The following C20orf203 variants were observed in gnomAD, a reference collection of about 807,000 sequenced individuals.
C20orf203 encodes the protein uncharacterized protein C20orf203.
Under a neutral mutation model 15.9 loss-of-function variants are expected in C20orf203, and 16 were observed. The observed-to-expected ratio is 1.01, with a 90% CI of 0.68 to 1.53. The LOEUF is 1.53. Among genes scored for constraint, C20orf203 ranks in the 40% most tolerant of loss-of-function variants. C20orf203 has a pLI of 0.00. For synonymous variants in C20orf203, 98 were observed against 97.2 expected (o/e 1.01, Z -0.05); for missense variants, 263 against 247.5 (o/e 1.06, Z -0.42).
chr20:32,669,882 T>C (rs919979342), intron 1 of C20orf203, among the ~76,000 whole-genome samples: 4 of 152,036 alleles, frequency 2.6e-5, no homozygotes, highest in Non-Finnish European at 5.9e-5. Flanking sequence ...TGGGAGAAAA[T>C]ATTTGCAAAC....
At chr20:32,658,673 A>C (rs926605594) in intron 1 of C20orf203, among the ~76,000 whole-genome samples, 2 of 152,190 alleles carry the variant, frequency 1.3e-5, no homozygotes, top group African/African-American at 4.8e-5. Flanking sequence ...TACAGACAGA[A>C]AAAACAATAA....
chr20:32,654,777 G>A (rs1206988294), intron 1 of C20orf203, among the ~76,000 whole-genome samples: 1 of 152,222 alleles, frequency 6.6e-6, no homozygotes, highest in Non-Finnish European at 1.5e-5. Flanking sequence ...CTGGGAGGTA[G>A]AGATTGCAGT....
intron 1 of C20orf203, among the ~76,000 whole-genome samples, chr20:32,653,751 AAAG>A (rs971372433): frequency 4.1e-4 from 62 of 152,210 alleles, no homozygotes; most frequent in African/African-American, 1.4e-3. Flanking sequence ...CCAGATTGCA[AAAG>A]AAGAAGTAAA....
intron 4 of C20orf203, among the ~76,000 whole-genome samples, chr20:32,645,546 C>G (rs969805454): frequency 6.6e-6 from 1 of 152,252 alleles, no homozygotes; most frequent in Non-Finnish European, 1.5e-5. Flanking sequence ...CAGGCCACTC[C>G]TCTCCTGCGA....
At chr20:32,645,675 C>G (rs911945081) in intron 4 of C20orf203, among the ~76,000 whole-genome samples, 2 of 152,338 alleles carry the variant, frequency 1.3e-5, no homozygotes, top group African/African-American at 4.8e-5. Flanking sequence ...ATCTTCAAGC[C>G]CTCCGAGCTT....
At chr20:32,673,386 C>T (rs1983222039) in intron 1 of C20orf203, among the ~76,000 whole-genome samples, 5 of 152,262 alleles carry the variant, frequency 3.3e-5, no homozygotes, top group African/African-American at 1.2e-4. Flanking sequence ...GCTGGCGCCT[C>T]AGCCATAGCT....
intron 1 of C20orf203, among the ~76,000 whole-genome samples, chr20:32,668,370 A>G (rs775640345): frequency 2.6e-5 from 4 of 152,144 alleles, no homozygotes; most frequent in Admixed American, 6.5e-5. Flanking sequence ...TCACATCTGT[A>G]ATCTCAGCAT....
rs11313159 is a variant in C20orf203 at position 32,651,168 on chromosome 20, TAAAAAAAAAAA to T, written c.-14-13_-14-3del. ...TAGGAAACATAGGAGACCCTCTCTC[TAAAAAAAAAAA>T]AAAAAAAAAAAAAATTAGCTGGGTG... On this transcript the variant is annotated splice_polypyrimidine_tract_variant and splice_region_variant and intron_variant, in intron 2 of 5. Transcript: ENST00000608990. The T allele has an allele frequency of 3.9e-4, 116 of 297,444 alleles. No individual in the cohort carries two copies. Among genetic ancestry groups the T allele is most frequent in the Non-Finnish European group, 5.6e-4 (101 of 181,162 alleles). 18.4% of individuals were successfully genotyped at this position (297,444 alleles called of 1,614,324 possible). A position where few individuals can be genotyped will look rare whatever the true frequency, so the allele number is the denominator to read the frequency against.
rs1360764061 is a variant in C20orf203 at position 32,649,944 on chromosome 20, G to A, written c.*488C>T. ...CTCTAGGATCTGGCTGCTGAGGGCC[G>A]GGTGCAGAGCATGGGCCCCTGTCCT... On this transcript the variant is annotated 3_prime_UTR_variant, in exon 4 of 6. Transcript: ENST00000608990. 6.5e-6 allele frequency: 1 copy of A among 154,848 alleles called. No individual in the cohort carries two copies. Among genetic ancestry groups the A allele is most frequent in the Non-Finnish European group, 1.4e-5 (1 of 69,660 alleles). 9.6% of individuals were successfully genotyped at this position (154,848 alleles called of 1,614,324 possible). A position where few individuals can be genotyped will look rare whatever the true frequency, so the allele number is the denominator to read the frequency against.
At chr20:32,646,106 C>A (rs1982419765) in intron 4 of C20orf203, among the ~76,000 whole-genome samples, 1 of 151,102 alleles carries the variant, frequency 6.6e-6, no homozygotes, top group African/African-American at 2.4e-5. Flanking sequence ...CAATTTAAAA[C>A]AGAGTGGGCC....
rs1982028866 is a variant in C20orf203 at position 32,632,563 on chromosome 20, T to C, written c.*3007A>G. The stretch of plus-strand genomic sequence containing the variant: ...CAGAAGCGCTCCCCACAAAGTGCGC[T>C]GTATCTGGCCTTTTTCACAAAAAAA... On this transcript the variant is annotated 3_prime_UTR_variant, in exon 6 of 6. Transcript: ENST00000608990. The C allele has an allele frequency of 6.6e-6, 1 of 152,178 alleles. No homozygotes were observed. The highest frequency in any genetic ancestry group is 1.5e-5 in the Non-Finnish European group (1 of 68,030). 9.4% of individuals were successfully genotyped at this position (152,178 alleles called of 1,614,324 possible). A position where few individuals can be genotyped will look rare whatever the true frequency, so the allele number is the denominator to read the frequency against.
intron 3 of C20orf203, 60 bp from the exon 4 acceptor site, chr20:32,650,941 G>A (rs948796821): frequency 4.1e-5 from 59 of 1,443,498 alleles, no homozygotes; most frequent in Non-Finnish European, 5.3e-5. Flanking sequence ...ACTCGCAAGG[G>A]GCTTTAGGTC....
In C20orf203 at chr20:32,650,410, G is replaced by A; in HGVS notation, c.*22C>T. The A allele has an allele frequency of 6.5e-7, 1 of 1,529,798 alleles. No individual in the cohort carries two copies. Among genetic ancestry groups the A allele is most frequent in the East Asian group, 2.5e-5 (1 of 40,796 alleles). 94.8% of individuals were successfully genotyped at this position (1,529,798 alleles called of 1,614,324 possible). The stretch of plus-strand genomic sequence containing the variant: ...GGTAGGACAGGCAGGCAGAGCTGGG[G>A]GTGGGGGCGCCCTGGGCTCGGCTAA... On this transcript the variant is annotated 3_prime_UTR_variant, in exon 4 of 6. Coordinates refer to ENST00000608990, the MANE Select transcript of C20orf203 (RefSeq NM_182584.4).
At chr20:32,635,671 C>T (rs577811260) in intron 5 of C20orf203, among the ~76,000 whole-genome samples, 1 of 151,916 alleles carries the variant, frequency 6.6e-6, no homozygotes, top group Non-Finnish European at 1.5e-5. Context: ...ATTAGCTGGG[C>T]ATGGTGGTGT....
At chr20:32,661,086 G>A (rs1256852352) in intron 1 of C20orf203, among the ~76,000 whole-genome samples, 1 of 152,084 alleles carries the variant, frequency 6.6e-6, no homozygotes, top group Non-Finnish European at 1.5e-5. Context: ...GGACAATCAA[G>A]GTGTTCAGAG....
At chr20:32,635,487 TTCCA>T (rs1048326455) in intron 5 of C20orf203, among the ~76,000 whole-genome samples, 1 of 150,978 alleles carries the variant, frequency 6.6e-6, no homozygotes, top group Non-Finnish European at 1.5e-5. Flanking sequence ...CAGAGTGAGA[TTCCA>T]TCTCAGAAAG....
chr20:32,647,041 A>G (rs1248148020), intron 4 of C20orf203, among the ~76,000 whole-genome samples: 4 of 152,172 alleles, frequency 2.6e-5, no homozygotes, highest in African/African-American at 7.2e-5. Flanking sequence ...TCTGTCCTCC[A>G]TTGTCTCACT....
chr20:32,650,968 C>A, intron 3 of C20orf203, 50 bp downstream of exon 3: 1 of 1,443,812 alleles, frequency 6.9e-7, no homozygotes, highest in Non-Finnish European at 9.1e-7. Flanking sequence ...AATTTCCCAA[C>A]AGTCCCCAGT....
At chr20:32,670,114 G>A (rs970293925) in intron 1 of C20orf203, among the ~76,000 whole-genome samples, 1 of 152,214 alleles carries the variant, frequency 6.6e-6, no homozygotes, top group Non-Finnish European at 1.5e-5. Context: ...GGAGGCTGAG[G>A]CAGGAGAATC....
Sources: gnomAD v4.1 joint callset for allele counts (sites outside exome capture counted in the v4.1 genomes callset) on GRCh38, gnomAD v4.1.1 for gene constraint, MANE v1.5 for transcripts, NCBI Gene and HGNC (gene_info 2026-07-23, HGNC 2026-07-21) for gene names.